The following CASTOR1 variants were observed in gnomAD, a reference collection of about 807,000 sequenced individuals.
The protein encoded by CASTOR1 is GATS protein like 3.
Under a neutral mutation model 33.7 loss-of-function variants are expected in CASTOR1, and 18 were observed. That is an observed-to-expected ratio of 0.53 (90% CI 0.37 to 0.79). CASTOR1 has a LOEUF of 0.79. Among genes scored for constraint, CASTOR1 ranks in the 30% least tolerant of loss-of-function variants. The pLI is 0.00. For missense variants in CASTOR1, 362 were observed against 446.3 expected, an observed-to-expected ratio of 0.81 and a Z score of 1.70; for synonymous variants, 175 against 190.6, an observed-to-expected ratio of 0.92 and a Z score of 0.67.
In CASTOR1 at chr22:30,287,167, G is replaced by A. The variant is rs762652275; in HGVS notation, c.493C>T (p.Arg165Cys). The change falls in exon 4 of 9, where the codon CGC (arginine) becomes TGC (cysteine). Residue 165 changes from arginine (R) to cysteine (C), a missense_variant. Transcript: ENST00000407689. ...GGGCGGCCCTCACCATGCTGAGTGCGGGGAAAGCCATTGCTGGAATCATCC... is the reference window on the plus strand; with the variant it reads ...GGGCGGCCCTCACCATGCTGAGTGCAGGGAAAGCCATTGCTGGAATCATCC... ...TRDDSSNGFP[R>C]TQHGPSPTVH... 2.0e-5 allele frequency: 33 copies of A among 1,610,454 alleles called. No homozygotes were observed. The highest frequency in any genetic ancestry group is 2.0e-5 in the Non-Finnish European group (23 of 1,177,888).
intron 6 of CASTOR1, 50 bp downstream of exon 6, chr22:30,286,213 C>T (rs1472524759): frequency 1.3e-6 from 2 of 1,491,968 alleles, no homozygotes; most frequent in Admixed American, 1.8e-5. Context: ...CTCCTCCCTG[C>T]CTGGGACTGG....
At chr22:30,285,809 C>CTGCCCCAGCCCTTGGTGCTCCCCT in intron 8 of CASTOR1, 23 bp downstream of exon 8, 1 of 1,450,550 alleles carries the variant, frequency 6.9e-7, no homozygotes, top group Non-Finnish European at 9.0e-7. Context: ...ACTCTCCCCT[C>CTGCCCCAGCCCTTGGTGCTCCCCT]TGCCCCAGCC....
intron 1 of CASTOR1, 116 bp from the exon 2 acceptor site, chr22:30,288,892 C>T: frequency 1.3e-6 from 1 of 745,246 alleles, no homozygotes; most frequent in East Asian, 3.0e-5. Flanking sequence ...GCCTTCTTGC[C>T]CTCTCGGCCT....
chr22:30,286,345 C>T lies in CASTOR1; in HGVS notation c.661G>A (p.Glu221Lys). ...GCAAAGAACGTGATGGAGCTGGGTT[C>T]AGGACTGCTAGAGGCTGCCTCCTTG... is the stretch of plus-strand genomic sequence containing the variant. ...TPKEAASSSP[E>K]PSSITFFAFS... is the part of the protein sequence containing the mutation. The change falls in exon 6 of 9, where the codon GAA (glutamate) becomes AAA (lysine). Residue 221 changes from glutamate (E) to lysine (K), a missense_variant. By Grantham distance (56) the Glu-to-Lys change is moderately conservative (BLOSUM62 1). Transcript: ENST00000407689. The T allele has an allele frequency of 6.2e-7, 1 of 1,614,026 alleles. No homozygotes were observed. Among genetic ancestry groups the T allele is most frequent in the South Asian group, 1.1e-5 (1 of 91,080 alleles).
chr22:30,287,652 T>C (rs1929815831), intron 2 of CASTOR1, 92 bp from the exon 3 acceptor site: 4 of 1,247,052 alleles, frequency 3.2e-6, no homozygotes, highest in Admixed American at 4.4e-5. Context: ...CTTGGAGGGC[T>C]CCATCAAGGT....
At chr22:30,285,790 C>G in intron 8 of CASTOR1, 42 bp downstream of exon 8, 2 of 1,575,818 alleles carry the variant, frequency 1.3e-6, no homozygotes, top group African/African-American at 1.3e-5. Context: ...GCCCACATTT[C>G]TGGGCCTCAC....
intron 6 of CASTOR1, 63 bp downstream of exon 6, chr22:30,286,200 C>T (rs561008977): frequency 1.4e-6 from 2 of 1,457,744 alleles, no homozygotes; most frequent in East Asian, 2.3e-5. Flanking sequence ...TCTGATGCCC[C>T]ACCTCCTCCC....
chr22:30,286,442 A>T, intron 5 of CASTOR1, 66 bp from the exon 6 acceptor site: 1 of 1,107,668 alleles, frequency 9.0e-7, no homozygotes, highest in Non-Finnish European at 1.4e-6. Context: ...GCTCCCGATC[A>T]GCCTCCAGAA....
At chr22:30,287,771 G>A (rs1369526537) in intron 2 of CASTOR1, 6 of 700,784 alleles carry the variant, frequency 8.6e-6, no homozygotes, top group African/African-American at 1.7e-5. Context: ...TAAGATCAGA[G>A]GTCCAGATTC....
At chr22:30,287,046 A>C (rs771335223) in intron 4 of CASTOR1, 98 bp from the exon 5 acceptor site, 3 of 1,551,894 alleles carry the variant, frequency 1.9e-6, no homozygotes, top group Non-Finnish European at 2.6e-6. Flanking sequence ...AGGTCTTGCT[A>C]TCCAGGAACT....
Position 30,286,388 on chromosome 22 carries a change from T to C in CASTOR1, c.630-12A>G. 1 of 1,586,076 alleles carries C rather than the reference T, an allele frequency of 6.3e-7. No homozygotes were observed. Among genetic ancestry groups the C allele is most frequent in the Non-Finnish European group, 8.7e-7 (1 of 1,155,196 alleles). ...CCTCCTTGGGGGTGCTGGGGAGGGA[T>C]GGGAGGTTTAGGGGCTCTACCAGGC... is the stretch of plus-strand genomic sequence containing the variant. On this transcript the variant is annotated splice_polypyrimidine_tract_variant and intron_variant, in intron 5 of 8. Coordinates refer to ENST00000407689, the MANE Select transcript of CASTOR1 (RefSeq NM_001037666.3).
At position 30,285,241 on chromosome 22, in the gene CASTOR1, C is replaced by T. The variant is rs1215218983; in HGVS notation, c.*379G>A. ...GGACTCACCTGGCCAGGGAAGGCAA[C>T]CCCACCAGAGGCAGAACGGAGGTCA... On this transcript the variant is annotated 3_prime_UTR_variant, in exon 9 of 9. Coordinates refer to ENST00000407689, the MANE Select transcript of CASTOR1 (RefSeq NM_001037666.3). The T allele has an allele frequency of 1.1e-5, 2 of 187,762 alleles. No homozygotes were observed. Among genetic ancestry groups the T allele is most frequent in the Non-Finnish European group, 2.2e-5 (2 of 91,514 alleles). The allele number at this position is 187,762 out of a possible 1,614,324, so 11.6% of individuals were successfully genotyped here. A position where few individuals can be genotyped will look rare whatever the true frequency, so the allele number is the denominator to read the frequency against.
chr22:30,285,440 A>G lies in CASTOR1; in HGVS notation c.*180T>C. On this transcript the variant is annotated 3_prime_UTR_variant, in exon 9 of 9. Transcript: ENST00000407689. Reference sequence around the variant, plus strand: ...CTAGCACCTGCCCACTCCACCTGTGAGTGTACACAGGTGTCCGCGTAAAAG... The same window carrying G: ...CTAGCACCTGCCCACTCCACCTGTGGGTGTACACAGGTGTCCGCGTAAAAG... The G allele has an allele frequency of 1.8e-6, 1 of 561,870 alleles. No homozygotes were observed. The highest frequency in any genetic ancestry group is 3.1e-6 in the Non-Finnish European group (1 of 318,236). The allele number at this position is 561,870 out of a possible 1,614,324, so 34.8% of individuals were successfully genotyped here.
At chr22:30,286,223 G>T in intron 6 of CASTOR1, 40 bp downstream of exon 6, 1 of 1,524,104 alleles carries the variant, frequency 6.6e-7, no homozygotes, top group Non-Finnish European at 9.1e-7. Flanking sequence ...CCTGGGACTG[G>T]CTGGGGCCTG....
chr22:30,288,440 G>A (rs1266598420), intron 2 of CASTOR1, among the ~76,000 whole-genome samples: 3 of 152,138 alleles, frequency 2.0e-5, no homozygotes, highest in Non-Finnish European at 4.4e-5. Flanking sequence ...GCCCCTCAGC[G>A]GTTTTAAGTT....
chr22:30,288,135 C>T (rs917567967), intron 2 of CASTOR1, among the ~76,000 whole-genome samples: 1 of 152,252 alleles, frequency 6.6e-6, no homozygotes, highest in Non-Finnish European at 1.5e-5. Flanking sequence ...AGCTAGGCGT[C>T]AGCTCCAGGC....
chr22:30,285,984 C>G (rs370723725), intron 7 of CASTOR1, 32 bp downstream of exon 7: 2 of 1,580,942 alleles, frequency 1.3e-6, no homozygotes. Context: ...CCAGACACTC[C>G]CCAGCCCCCC....
intron 2 of CASTOR1, among the ~76,000 whole-genome samples, chr22:30,288,133 G>A (rs1019850971): frequency 1.3e-5 from 2 of 152,242 alleles, no homozygotes; most frequent in Non-Finnish European, 2.9e-5. Flanking sequence ...GGAGCTAGGC[G>A]TCAGCTCCAG....
chr22:30,287,059 C>T (rs759909874), intron 4 of CASTOR1, 96 bp downstream of exon 4: 2 of 1,549,174 alleles, frequency 1.3e-6, no homozygotes, highest in Admixed American at 1.9e-5. Flanking sequence ...CAGGAACTGG[C>T]CGGGGTCCTC....
Sources: allele counts gnomAD v4.1 joint callset (sites outside exome capture counted in the v4.1 genomes callset), GRCh38; gene constraint gnomAD v4.1.1; transcripts MANE v1.5; gene names NCBI Gene and HGNC (gene_info 2026-07-23, HGNC 2026-07-21).